The following CCDC149 variants were observed in gnomAD, a reference collection of about 807,000 sequenced individuals.
The protein encoded by CCDC149 is coiled-coil domain containing 149, also known as coiled-coil domain-containing protein 149.
CCDC149 carries 45 observed loss-of-function variants against 59.9 expected under a neutral mutation model. The observed-to-expected ratio is 0.75, with a 90% CI of 0.59 to 0.96. The LOEUF is 0.96. CCDC149 is among the 40% of genes least tolerant of loss of function. CCDC149 has a pLI of 0.00. For missense variants in CCDC149, 584 were observed against 664.7 expected (o/e 0.88, Z 1.33); for synonymous variants, 245 against 260.6 (o/e 0.94, Z 0.58).
upstream of CCDC149, among the ~76,000 whole-genome samples, chr4:24,917,146 G>A (rs78525430): frequency 0.11 from 17,151 of 152,194 alleles, 1,031 homozygotes; most frequent in Middle Eastern, 0.14. Flanking sequence ...GCAGATGGGG[G>A]ATTCTGGCCG....
At chr4:24,815,208 T>C (rs1245929382) in intron 12 of CCDC149, among the ~76,000 whole-genome samples, 1 of 152,202 alleles carries the variant, frequency 6.6e-6, no homozygotes, top group African/African-American at 2.4e-5. Context: ...GAATTTATGG[T>C]ATTCATTTAA....
At chr4:24,852,372 C>T (rs138285903) in intron 4 of CCDC149, among the ~76,000 whole-genome samples, 4 of 151,496 alleles carry the variant, frequency 2.6e-5, no homozygotes, top group Admixed American at 2.6e-4. Context: ...ATCTCTGTTG[C>T]AAAAGCCACC....
chr4:24,952,011 G>T (rs1262828128), intron 1 of CCDC149, among the ~76,000 whole-genome samples: 1 of 151,978 alleles, frequency 6.6e-6, no homozygotes, highest in Admixed American at 6.6e-5. Flanking sequence ...TCTTTTTGTT[G>T]GGTGCTCATT....
Position 24,929,894 on chromosome 4 carries a change from C to G in CCDC149, c.-64-34776G>C, listed in dbSNP as rs183012447. Among the ~76,000 whole-genome samples, 21 of 152,292 alleles carry G rather than the reference C, an allele frequency of 1.4e-4. No individual in the cohort carries two copies. In the East Asian group the frequency reaches 3.3e-3, roughly 24 times the overall value. ...TCTCTCTGACTCTCTGCCTCTCCCC[C>G]CATCAACCAACAAGCATGCACTTTG... On this transcript the variant is annotated intron_variant, in intron 1 of 12. Transcript: ENST00000389609.
chr4:24,884,889 T>C (rs183197382), intron 1 of CCDC149, among the ~76,000 whole-genome samples: 212 of 152,232 alleles, frequency 1.4e-3, no homozygotes, highest in African/African-American at 4.9e-3. Flanking sequence ...CTCAAGGAGT[T>C]GGAGGACAAT....
At position 24,832,355 on chromosome 4, in the gene CCDC149, T is replaced by C. The variant is rs376026315; in HGVS notation, c.821-705A>G. ...GGCACAAAGATAGGGCAAAAAGGTA[T>C]AGAGCAGACTGCAAATATCTAAATA... is the stretch of plus-strand genomic sequence containing the variant. On this transcript the variant is annotated intron_variant, in intron 8 of 12. Transcript: ENST00000635206. Among the ~76,000 whole-genome samples the C allele has an allele frequency of 2.0e-5, 3 of 152,292 alleles. No individual in the cohort carries two copies. The East Asian group carries it at 5.8e-4, about 29-fold the overall frequency.
chr4:24,834,658 A>G (rs1409817884), intron 8 of CCDC149, among the ~76,000 whole-genome samples: 1 of 152,226 alleles, frequency 6.6e-6, no homozygotes. Flanking sequence ...AGTGCTTCCC[A>G]AAGTGGGGTC....
intron 1 of CCDC149, among the ~76,000 whole-genome samples, chr4:24,901,500 G>A (rs1478993708): frequency 4.0e-5 from 6 of 151,896 alleles, no homozygotes; most frequent in African/African-American, 9.7e-5. Context: ...TCAATTTTAG[G>A]AGCACATATG....
intron 1 of CCDC149, among the ~76,000 whole-genome samples, chr4:24,941,301 G>A (rs1288532325): frequency 3.3e-5 from 5 of 152,114 alleles, no homozygotes; most frequent in Non-Finnish European, 7.3e-5. Context: ...TGACTACTGG[G>A]TACATAACGA....
intron 8 of CCDC149, among the ~76,000 whole-genome samples, chr4:24,833,037 G>T (rs1376883620): frequency 6.6e-6 from 1 of 151,956 alleles, no homozygotes; most frequent in Non-Finnish European, 1.5e-5. Flanking sequence ...TCACTCAGGT[G>T]CTCCTGCGTA....
chr4:24,857,268 C>T (rs1718070079), intron 3 of CCDC149, among the ~76,000 whole-genome samples: 1 of 151,962 alleles, frequency 6.6e-6, no homozygotes, highest in Non-Finnish European at 1.5e-5. Context: ...AAAGAGTTCT[C>T]TTTTCTCAAT....
chr4:24,964,549 A>G (rs548572095), intron 1 of CCDC149, among the ~76,000 whole-genome samples: 52 of 152,334 alleles, frequency 3.4e-4, no homozygotes, highest in Non-Finnish European at 6.3e-4. Context: ...ACTTATCAGA[A>G]TTTGAGATAC....
At chr4:24,819,759 A>G in intron 12 of CCDC149, 100 bp downstream of exon 12, 1 of 837,672 alleles carries the variant, frequency 1.2e-6, no homozygotes, top group Non-Finnish European at 2.0e-6. Context: ...ATGCCAAAGC[A>G]GCAGCACAAA....
At chr4:24,968,087 G>A (rs531739303) in intron 1 of CCDC149, among the ~76,000 whole-genome samples, 1 of 152,342 alleles carries the variant, frequency 6.6e-6, no homozygotes, top group East Asian at 1.9e-4. Flanking sequence ...CTTCCTGGCA[G>A]CCAAACGGGC....
chr4:24,945,380 G>A (rs1723077089), intron 1 of CCDC149, among the ~76,000 whole-genome samples: 1 of 152,172 alleles, frequency 6.6e-6, no homozygotes, highest in Non-Finnish European at 1.5e-5. Flanking sequence ...ATAAGGAGGT[G>A]CCATGTATGT....
intron 12 of CCDC149, among the ~76,000 whole-genome samples, chr4:24,815,816 G>A (rs1196823195): frequency 1.3e-5 from 2 of 152,158 alleles, no homozygotes; most frequent in East Asian, 3.9e-4. Context: ...AGATTAGCAG[G>A]GAGAACTTTT....
chr4:24,852,922 T>C, intron 4 of CCDC149, 150 bp downstream of exon 4: 4 of 611,336 alleles, frequency 6.5e-6, no homozygotes, highest in Non-Finnish European at 8.7e-6. Flanking sequence ...AAAGGTAAGA[T>C]ACGCTAAACT....
In CCDC149 at chr4:24,831,776, G is replaced by T; in HGVS notation, c.821-126C>A. 4 of 776,206 alleles carry T rather than the reference G, an allele frequency of 5.2e-6. No homozygotes were observed. The South Asian group carries it at 6.6e-5, about 13-fold the overall frequency. The allele number at this position is 776,206 out of a possible 1,614,324, so 48.1% of individuals were successfully genotyped here. On this transcript the variant is annotated intron_variant, in intron 8 of 12. Coordinates refer to ENST00000635206, the MANE Select transcript of CCDC149 (RefSeq NM_001330643.2). ...TCAAAATGCTACTATGTTGTATTGAGAGTCCACCTCAAGTGTCAACAAAAC... is the reference window on the plus strand; with the variant it reads ...TCAAAATGCTACTATGTTGTATTGATAGTCCACCTCAAGTGTCAACAAAAC...
chr4:24,913,309 A>T (rs554148122), upstream of CCDC149, among the ~76,000 whole-genome samples: 50 of 152,218 alleles, frequency 3.3e-4, no homozygotes, highest in South Asian at 1.5e-3. Context: ...TCCTTCTCCG[A>T]CCACCATCAC....
Sources: gnomAD v4.1 joint callset for allele counts (sites outside exome capture counted in the v4.1 genomes callset) on GRCh38, gnomAD v4.1.1 for gene constraint, MANE v1.5 for transcripts, NCBI Gene and HGNC (gene_info 2026-07-23, HGNC 2026-07-21) for gene names.